SMYD3: variants seen among roughly 807,000 people sequenced by gnomAD.
SMYD3 encodes the protein histone-lysine N-methyltransferase SMYD3.
SMYD3 carries 36 observed loss-of-function variants against 57.7 expected under a neutral mutation model. The observed-to-expected ratio is 0.62, with a 90% CI of 0.48 to 0.82. SMYD3 has a LOEUF of 0.82. SMYD3 is among the 40% of genes least tolerant of loss of function. SMYD3 has a pLI of 0.00. For synonymous variants in SMYD3, 211 were observed against 195.0 expected (o/e 1.08, Z -0.68); for missense variants, 515 against 538.8 (o/e 0.96, Z 0.44).
chr1:246,457,703 C>A (rs2067725345), intron 1 of SMYD3, among the ~76,000 whole-genome samples: 1 of 152,300 alleles, frequency 6.6e-6, no homozygotes, highest in East Asian at 1.9e-4. Flanking sequence ...CAATATTCTC[C>A]ATCTGTTCAC....
chr1:245,783,420 G>A (rs534067681), intron 10 of SMYD3, among the ~76,000 whole-genome samples: 1 of 152,050 alleles, frequency 6.6e-6, no homozygotes, highest in South Asian at 2.1e-4. Context: ...CTAAGCCAAG[G>A]GCAACTTGTG....
intron 5 of SMYD3, among the ~76,000 whole-genome samples, chr1:246,208,046 C>A (rs2063027529): frequency 6.6e-6 from 1 of 152,052 alleles, no homozygotes; most frequent in Non-Finnish European, 1.5e-5. Flanking sequence ...CTCATTCTAG[C>A]AAAGTCATAT....
chr1:246,051,117 T>C (rs933443828), intron 5 of SMYD3, among the ~76,000 whole-genome samples: 8 of 148,882 alleles, frequency 5.4e-5, no homozygotes, highest in Non-Finnish European at 1.2e-4. Flanking sequence ...TATTAACTTC[T>C]TTTTTTTTCT....
At position 246,507,000 on chromosome 1, in the gene SMYD3, C is replaced by G. The variant is rs892758295; in HGVS notation, c.164+54G>C. On this transcript the variant is annotated intron_variant, in intron 1 of 11. Coordinates refer to ENST00000490107, the MANE Select transcript of SMYD3 (RefSeq NM_001167740.2). Reference sequence around the variant, plus strand: ...GCCGGCCGCCCGACGCCCCCCCCTCCCCAGCACCCCACACAGCTCGCGACT... The same window carrying G: ...GCCGGCCGCCCGACGCCCCCCCCTCGCCAGCACCCCACACAGCTCGCGACT... The G allele has an allele frequency of 4.2e-5, 48 of 1,139,076 alleles. 2 individuals are homozygous for G. Among genetic ancestry groups the G allele is most frequent in the Middle Eastern group, 2.4e-4 (1 of 4,108 alleles). The allele number at this position is 1,139,076 out of a possible 1,614,324, so 70.6% of individuals were successfully genotyped here.
At chr1:246,088,056 G>A (rs2060749556) in intron 5 of SMYD3, among the ~76,000 whole-genome samples, 1 of 152,082 alleles carries the variant, frequency 6.6e-6, no homozygotes, top group East Asian at 1.9e-4. Flanking sequence ...CGTCCTCTGT[G>A]AGCCCCTTTG....
At chr1:245,994,178 T>C (rs1572859771) in intron 5 of SMYD3, among the ~76,000 whole-genome samples, 1 of 152,284 alleles carries the variant, frequency 6.6e-6, no homozygotes, top group East Asian at 1.9e-4. Flanking sequence ...CCAAGTCACA[T>C]TAAGTAGGAA....
intron 1 of SMYD3, among the ~76,000 whole-genome samples, chr1:246,445,365 A>G (rs1308355126): frequency 6.6e-6 from 1 of 152,240 alleles, no homozygotes; most frequent in Non-Finnish European, 1.5e-5. Context: ...CAACTCAGGC[A>G]AAATGGAGAC....
chr1:246,312,829 G>A (rs2065101447), intron 5 of SMYD3, among the ~76,000 whole-genome samples: 1 of 152,200 alleles, frequency 6.6e-6, no homozygotes, highest in Non-Finnish European at 1.5e-5. Flanking sequence ...TGATGAGCAG[G>A]TTAAAAGACT....
At chr1:246,241,644 A>T (rs1396064418) in intron 5 of SMYD3, among the ~76,000 whole-genome samples, 1 of 152,038 alleles carries the variant, frequency 6.6e-6, no homozygotes, top group Non-Finnish European at 1.5e-5. Flanking sequence ...TTTTCTATTG[A>T]TTGGAATAGT....
intron 5 of SMYD3, among the ~76,000 whole-genome samples, chr1:246,222,401 C>T (rs1311141616): frequency 6.6e-6 from 1 of 152,060 alleles, no homozygotes; most frequent in South Asian, 2.1e-4. Context: ...GAAATAAGAA[C>T]AGGATTTGAG....
chr1:246,410,340 G>A (rs371796544), intron 1 of SMYD3, among the ~76,000 whole-genome samples: 2 of 152,094 alleles, frequency 1.3e-5, no homozygotes, highest in African/African-American at 4.8e-5. Flanking sequence ...TTTGAGATAC[G>A]TCCCATCAAT....
intron 5 of SMYD3, among the ~76,000 whole-genome samples, chr1:246,259,783 C>A (rs1434829314): frequency 6.6e-6 from 1 of 152,218 alleles, no homozygotes; most frequent in African/African-American, 2.4e-5. Flanking sequence ...CAGGCACAAG[C>A]ACCAGCACTG....
At chr1:246,165,104 G>A (rs1485697327) in intron 5 of SMYD3, among the ~76,000 whole-genome samples, 1 of 152,228 alleles carries the variant, frequency 6.6e-6, no homozygotes, top group Non-Finnish European at 1.5e-5. Context: ...TCCCGAAAGG[G>A]AGCGGTCCAC....
intron 5 of SMYD3, among the ~76,000 whole-genome samples, chr1:246,014,050 C>T (rs1319144236): frequency 2.0e-5 from 3 of 152,190 alleles, no homozygotes; most frequent in East Asian, 3.8e-4. Flanking sequence ...GTCGGCCAGG[C>T]GTGGTGGCTC....
intron 1 of SMYD3, among the ~76,000 whole-genome samples, chr1:246,356,301 T>C (rs1219722010): frequency 6.6e-6 from 1 of 151,604 alleles, no homozygotes; most frequent in Non-Finnish European, 1.5e-5. Flanking sequence ...ACAGCAGCCC[T>C]TGAGTCCCAT....
intron 5 of SMYD3, among the ~76,000 whole-genome samples, chr1:246,141,702 T>C (rs1301379694): frequency 6.6e-6 from 1 of 152,160 alleles, no homozygotes; most frequent in African/African-American, 2.4e-5. Context: ...AAAATCTTCA[T>C]TTAAATTTAT....
At chr1:245,766,977 C>T (rs1305645571) in intron 10 of SMYD3, among the ~76,000 whole-genome samples, 2 of 152,138 alleles carry the variant, frequency 1.3e-5, no homozygotes, top group Admixed American at 1.3e-4. Flanking sequence ...TGATTGCGGG[C>T]CTGGTTGGTT....
In SMYD3 at chr1:246,137,902, A is replaced by T. The variant is rs183630455; in HGVS notation, c.531+189299T>A. Among the ~76,000 whole-genome samples, 86 of 152,088 alleles carry T rather than the reference A, an allele frequency of 5.7e-4. 1 individual carries two copies. Among genetic ancestry groups the T allele is most frequent in the Admixed American group, 3.9e-4 (6 of 15,276 alleles). On this transcript the variant is annotated intron_variant, in intron 5 of 11. Coordinates refer to ENST00000490107, the MANE Select transcript of SMYD3 (RefSeq NM_001167740.2). ...TTTGGTATTTGGGAGCACACATTTA[A>T]AAAAAAAGGAAATCTCCAAATTCCT...
intron 10 of SMYD3, among the ~76,000 whole-genome samples, chr1:245,826,321 G>A (rs35710111): frequency 4.5e-4 from 68 of 152,194 alleles, no homozygotes; most frequent in Non-Finnish European, 8.1e-4. Context: ...TTCACTTAGC[G>A]TAGTGTCTGC....
Sources: gnomAD v4.1 joint callset for allele counts (sites outside exome capture counted in the v4.1 genomes callset) on GRCh38, gnomAD v4.1.1 for gene constraint, MANE v1.5 for transcripts, NCBI Gene and HGNC (gene_info 2026-07-23, HGNC 2026-07-21) for gene names.